Variants in TMEM187 observed in about 807,000 individuals in gnomAD.
TMEM187 encodes transmembrane protein 187.
Under a neutral mutation model 11.8 loss-of-function variants are expected in TMEM187, and 14 were observed. The observed-to-expected ratio is 1.18, with a 90% CI of 0.78 to 1.85. TMEM187 has a LOEUF of 1.85. Ranked by LOEUF, TMEM187 falls within the 40% of genes most tolerant of loss-of-function variation. The pLI, the probability that TMEM187 is intolerant of heterozygous loss-of-function variation, is 0.00. For missense variants in TMEM187, 227 were observed against 243.9 expected (o/e 0.93, Z 0.46); for synonymous variants, 112 against 118.5 (o/e 0.95, Z 0.36).
At position 153,982,020 on chromosome X, in the gene TMEM187, G is replaced by A; in HGVS notation, c.-43G>A. On this transcript the variant is annotated 5_prime_UTR_variant, in exon 2 of 2. Coordinates refer to ENST00000369982, the MANE Select transcript of TMEM187 (RefSeq NM_003492.3). ...CTGCAGAGGCTGCGTATTGAAGGCT[G>A]CTCTCTGAAGCTCCCTGCCCCAGGT... The A allele has an allele frequency of 8.3e-7, 1 of 1,211,530 alleles. No homozygotes were observed. Among genetic ancestry groups the A allele is most frequent in the Non-Finnish European group, 1.1e-6 (1 of 895,514 alleles).
chrX:153,982,475 G>A lies in TMEM187; in HGVS notation c.413G>A (p.Arg138Gln), dbSNP rs36085378. The A allele has an allele frequency of 2.8e-3, 3,348 of 1,202,302 alleles. 64 individuals carry two copies. In the African/African-American group the frequency reaches 0.049, roughly 17 times the overall value. ...AWCLYLDRGW[R>Q]PWLFLSLECV... ...TGCCTCTACCTAGACCGCGGCTGGCGGCCCTGGCTGTTCCTCTCTCTTGAG... is the reference window on the plus strand; with the variant it reads ...TGCCTCTACCTAGACCGCGGCTGGCAGCCCTGGCTGTTCCTCTCTCTTGAG... Residue 138 changes from arginine (R) to glutamine (Q), a missense_variant, in exon 2 of 2, where the codon CGG becomes CAG. Arg to Gln is a conservative substitution (Grantham distance 43). Coordinates refer to ENST00000369982, the MANE Select transcript of TMEM187 (RefSeq NM_003492.3).
chrX:153,982,324 G>T lies in TMEM187; in HGVS notation c.262G>T (p.Val88Leu). 8.3e-7 allele frequency: 1 copy of T among 1,209,832 alleles called. No homozygotes were observed. Among genetic ancestry groups the T allele is most frequent in the Non-Finnish European group, 1.1e-6 (1 of 895,229 alleles). Residue 88 changes from valine (V) to leucine (L), a missense_variant, in exon 2 of 2, where the codon GTG becomes TTG. Coordinates refer to ENST00000369982, the MANE Select transcript of TMEM187 (RefSeq NM_003492.3). ...MGLGPRYLKD[V>L]FAAMALLYGP... ...GCTGGGTCCCCGCTACCTGAAGGAC[G>T]TGTTCGCAGCCATGGCCCTGCTCTA... is the stretch of plus-strand genomic sequence containing the variant.
intron 1 of TMEM187, among the ~76,000 whole-genome samples, chrX:153,977,122 A>T (rs2065579993): frequency 1.8e-5 from 2 of 112,054 alleles, no homozygotes; most frequent in Non-Finnish European, 3.8e-5. Flanking sequence ...GCATGAATGG[A>T]TCCTGCTGTT....
At chrX:153,978,052 C>T (rs2065583595) in intron 1 of TMEM187, among the ~76,000 whole-genome samples, 1 of 103,972 alleles carries the variant, frequency 9.6e-6, no homozygotes, top group Non-Finnish European at 2.0e-5. Flanking sequence ...CCCGTCTCTA[C>T]TAAAAATACA....
At chrX:153,977,614 AAAAT>A (rs781905936) in intron 1 of TMEM187, among the ~76,000 whole-genome samples, 9 of 109,332 alleles carry the variant, frequency 8.2e-5, no homozygotes, top group South Asian at 4.0e-4. Context: ...TCTGTCCCAA[AAAAT>A]AAATAAAATA....
In TMEM187 at chrX:153,982,557, C is replaced by T; in HGVS notation, c.495C>T (p.Val165=). ...LALLHPQGFE[V]ALGAHVVAAV... ...TGCTGCATCCCCAGGGCTTCGAGGT[C>T]GCACTGGGTGCTCACGTGGTGGCCG... The change falls in exon 2 of 2, where the codon GTC becomes GTT. Residue 165 remains valine, a synonymous_variant. Transcript: ENST00000369982. The T allele has an allele frequency of 2.5e-6, 3 of 1,209,404 alleles. No individual in the cohort carries two copies. Among genetic ancestry groups the T allele is most frequent in the Non-Finnish European group, 3.4e-6 (3 of 895,439 alleles).
chrX:153,978,237 A>G (rs1164007446), intron 1 of TMEM187, among the ~76,000 whole-genome samples: 2 of 107,481 alleles, frequency 1.9e-5, no homozygotes, highest in African/African-American at 3.4e-5. Context: ...ATGAAGTAAT[A>G]ATAAAATAGT....
At chrX:153,978,131 A>C (rs2065583816) in intron 1 of TMEM187, among the ~76,000 whole-genome samples, 1 of 109,127 alleles carries the variant, frequency 9.2e-6, no homozygotes, top group Non-Finnish European at 1.9e-5. Flanking sequence ...GAATCACTCA[A>C]ACCCCGGAGG....
chrX:153,978,355 G>A (rs2065584994), intron 1 of TMEM187, among the ~76,000 whole-genome samples: 4 of 103,908 alleles, frequency 3.8e-5, no homozygotes, highest in Admixed American at 3.1e-4. Flanking sequence ...TGCAACCTCC[G>A]CCTCCCAGGT....
intron 1 of TMEM187, chrX:153,980,686 A>T (rs1411817140): frequency 9.0e-6 from 1 of 111,113 alleles, no homozygotes; most frequent in African/African-American, 3.3e-5. Flanking sequence ...TGGGAGGCTG[A>T]GGCGGGTGGA....
At position 153,982,587 on chromosome X, in the gene TMEM187, G is replaced by A. The variant is rs782619809; in HGVS notation, c.525G>A (p.Val175=). 6.6e-6 allele frequency: 8 copies of A among 1,211,181 alleles called. No homozygotes were observed. The highest frequency in any genetic ancestry group is 2.2e-5 in the Admixed American group (1 of 46,116). ...TGGGTGCTCACGTGGTGGCCGCTGT[G>A]GGGCAGGCGCTGCGCACCCACAGGC... The part of the protein sequence containing the change: ...VALGAHVVAA[V]GQALRTHRHY... The change falls in exon 2 of 2, where the codon GTG becomes GTA. Residue 175 remains valine (V), a synonymous_variant. Coordinates refer to ENST00000369982, the MANE Select transcript of TMEM187 (RefSeq NM_003492.3).
chrX:153,977,616 A>C (rs2065581580), intron 1 of TMEM187, among the ~76,000 whole-genome samples: 1 of 109,664 alleles, frequency 9.1e-6, no homozygotes, highest in African/African-American at 3.3e-5. Context: ...TGTCCCAAAA[A>C]ATAAATAAAA....
chrX:153,975,666 C>T (rs1485471906), intron 1 of TMEM187, among the ~76,000 whole-genome samples: 1 of 1,536 alleles, frequency 6.5e-4, no homozygotes, highest in Non-Finnish European at 1.3e-3. Context: ...TTTTTAAAGA[C>T]AGAGTCTTGC....
At chrX:153,978,752 TTTTTGTTTTGTTTTGTTTTGTTTTG>T (rs199595829) in intron 1 of TMEM187, among the ~76,000 whole-genome samples, 2 of 82,053 alleles carry the variant, frequency 2.4e-5, no homozygotes, top group Non-Finnish European at 4.7e-5. Flanking sequence ...CCTGGCTAAT[TTTTTGTTTTGTTTTGTTTTGTTTTG>T]TTTTGTTTTG....
At chrX:153,979,799 C>G (rs188891233) in intron 1 of TMEM187, among the ~76,000 whole-genome samples, 1 of 97,395 alleles carries the variant, frequency 1.0e-5, no homozygotes, top group African/African-American at 3.8e-5. Context: ...TGCAGTGGCG[C>G]GATCTCAGCT....
At chrX:153,976,997 T>TA (rs1181218781) in intron 1 of TMEM187, among the ~76,000 whole-genome samples, 3 of 112,582 alleles carry the variant, frequency 2.7e-5, no homozygotes, top group African/African-American at 9.7e-5. Context: ...GTAAAATATT[T>TA]AAAAAATCAA....
Position 153,983,094 on chromosome X carries a change from T to G in TMEM187, c.*246T>G. On this transcript the variant is annotated 3_prime_UTR_variant, in exon 2 of 2. Coordinates refer to ENST00000369982, the MANE Select transcript of TMEM187 (RefSeq NM_003492.3). ...GGGATGTGTGTGTTCCTGATGTAATTTGCATAACTTTTCTGTAGTTTGAAA... is the reference window on the plus strand; with the variant it reads ...GGGATGTGTGTGTTCCTGATGTAATGTGCATAACTTTTCTGTAGTTTGAAA... The G allele has an allele frequency of 1.8e-6, 1 of 543,006 alleles. No individual in the cohort carries two copies. The highest frequency in any genetic ancestry group is 3.2e-5 in the South Asian group (1 of 31,271). 44.7% of individuals were successfully genotyped at this position (543,006 alleles called of 1,213,427 possible). A position where few individuals can be genotyped will look rare whatever the true frequency, so the allele number is the denominator to read the frequency against.
Position 153,982,776 on chromosome X carries a change from C to A in TMEM187, c.714C>A (p.His238Gln), listed in dbSNP as rs1197702915. Residue 238 changes from histidine to glutamine, a missense_variant, in exon 2 of 2, where the codon CAC becomes CAA. By Grantham distance (24) the His-to-Gln change is conservative. Transcript: ENST00000369982. ...WSKVCDVLQFHFAFLFLTHFN... is the reference protein window; with the variant it reads ...WSKVCDVLQFQFAFLFLTHFN... ...AGGTCTGTGACGTGCTCCAGTTCCA[C>A]TTTGCGTTTTTGTTTCTGACGCATT... 6 of 1,210,933 alleles carry A rather than the reference C, an allele frequency of 5.0e-6. No individual in the cohort carries two copies. Among genetic ancestry groups the A allele is most frequent in the Non-Finnish European group, 6.7e-6 (6 of 895,477 alleles).
intron 1 of TMEM187, among the ~76,000 whole-genome samples, chrX:153,975,830 A>G (rs1427884063): frequency 1.9e-5 from 2 of 104,394 alleles, no homozygotes; most frequent in Admixed American, 2.1e-4. Context: ...TTTTTAGTAG[A>G]GACGGGGTTG....
Sources: allele counts gnomAD v4.1 joint callset (sites outside exome capture counted in the v4.1 genomes callset), GRCh38; gene constraint gnomAD v4.1.1; transcripts MANE v1.5; gene names NCBI Gene and HGNC (gene_info 2026-07-23, HGNC 2026-07-21).